Variants in EIF2S2 observed in about 807,000 individuals in gnomAD.
The protein encoded by EIF2S2 is eukaryotic translation initiation factor 2 subunit 2.
Under a neutral mutation model 44.0 loss-of-function variants are expected in EIF2S2, and 4 were observed. That is an observed-to-expected ratio of 0.09 (90% CI 0.04 to 0.21). The LOEUF is 0.21. Ranked by LOEUF, EIF2S2 falls within the 10% of genes least tolerant of loss-of-function variation. The pLI is 1.00. For synonymous variants in EIF2S2, 108 were observed against 128.3 expected (o/e 0.84, Z 1.07); for missense variants, 154 against 392.0 (o/e 0.39, Z 5.13).
rs1343361326 is a variant in EIF2S2 at position 34,089,168 on chromosome 20, C to G, written c.*562G>C. ...CCATCCCCACATACGGAAAAGAATTCAAATCTATGGAGTCATTCCCTGGAC... is the reference window on the plus strand; with the variant it reads ...CCATCCCCACATACGGAAAAGAATTGAAATCTATGGAGTCATTCCCTGGAC... On this transcript the variant is annotated 3_prime_UTR_variant, in exon 9 of 9. Transcript: ENST00000374980. 6.5e-6 allele frequency: 1 copy of G among 152,714 alleles called. No individual in the cohort carries two copies. The highest frequency in any genetic ancestry group is 2.4e-5 in the African/African-American group (1 of 41,402). The allele number at this position is 152,714 out of a possible 1,614,324, so 9.5% of individuals were successfully genotyped here.
intron 1 of EIF2S2, 63 bp downstream of exon 1, chr20:34,112,033 C>A: frequency 7.4e-7 from 1 of 1,359,098 alleles, no homozygotes; most frequent in Non-Finnish European, 9.6e-7. Context: ...CGTTCTCCCA[C>A]ACTGGAGTGG....
chr20:34,100,215 A>T (rs547026778), intron 3 of EIF2S2, among the ~76,000 whole-genome samples: 1 of 152,130 alleles, frequency 6.6e-6, no homozygotes. Context: ...GGGTTTTACC[A>T]TATTGGCCAG....
chr20:34,095,964 C>CTCTG (rs2034223683), intron 6 of EIF2S2, among the ~76,000 whole-genome samples: 1 of 152,180 alleles, frequency 6.6e-6, no homozygotes, highest in Non-Finnish European at 1.5e-5. Flanking sequence ...CCAGGGCTGA[C>CTCTG]TCTGGCATAG....
intron 8 of EIF2S2, 127 bp downstream of exon 8, chr20:34,090,390 C>A: frequency 1.8e-6 from 1 of 559,382 alleles, no homozygotes; most frequent in Non-Finnish European, 3.0e-6. Flanking sequence ...CTTTCACTAT[C>A]ATTTTGTCTC....
At chr20:34,101,068 T>C (rs368512696) in intron 3 of EIF2S2, among the ~76,000 whole-genome samples, 22 of 152,258 alleles carry the variant, frequency 1.4e-4, no homozygotes, top group Admixed American at 8.5e-4. Flanking sequence ...AGCAGAAAAG[T>C]TGGAATAGCT....
intron 2 of EIF2S2, 74 bp downstream of exon 2, chr20:34,105,294 A>G (rs749681199): frequency 2.0e-6 from 3 of 1,529,440 alleles, no homozygotes; most frequent in East Asian, 2.3e-5. Context: ...AGGTCGCTGC[A>G]TATCCAAAAG....
intron 4 of EIF2S2, among the ~76,000 whole-genome samples, chr20:34,097,724 A>G (rs926617581): frequency 6.6e-6 from 1 of 152,224 alleles, no homozygotes; most frequent in East Asian, 1.9e-4. Flanking sequence ...GGCCCTTAAT[A>G]GAGACCTCTC....
chr20:34,112,155 G>A lies in EIF2S2; in HGVS notation c.-45C>T, dbSNP rs972236691. The stretch of plus-strand genomic sequence containing the variant: ...TCGGCACGGACGGGAAGTCAGACGG[G>A]TCAGCCCCAGGCCCCGGCGGCAGCG... On this transcript the variant is annotated 5_prime_UTR_variant, in exon 1 of 9. Coordinates refer to ENST00000374980, the MANE Select transcript of EIF2S2 (RefSeq NM_003908.5). 3 of 1,523,352 alleles carry A rather than the reference G, an allele frequency of 2.0e-6. No homozygotes were observed. Among genetic ancestry groups the A allele is most frequent in the Non-Finnish European group, 2.7e-6 (3 of 1,130,014 alleles). The allele number at this position is 1,523,352 out of a possible 1,614,324, so 94.4% of individuals were successfully genotyped here. A position where few individuals can be genotyped will look rare whatever the true frequency, so the allele number is the denominator to read the frequency against.
intron 2 of EIF2S2, among the ~76,000 whole-genome samples, chr20:34,103,955 T>A (rs2122426730): frequency 6.6e-6 from 1 of 152,236 alleles, no homozygotes; most frequent in East Asian, 1.9e-4. Flanking sequence ...ATGATCCGCC[T>A]GCCTCAGCCT....
chr20:34,094,947 G>A (rs764773059), intron 6 of EIF2S2, among the ~76,000 whole-genome samples: 2 of 152,136 alleles, frequency 1.3e-5, no homozygotes, highest in East Asian at 1.9e-4. Context: ...GAACTGGCAC[G>A]ACCTTGCTAG....
chr20:34,099,746 G>T (rs568509352), intron 3 of EIF2S2, among the ~76,000 whole-genome samples: 1 of 152,180 alleles, frequency 6.6e-6, no homozygotes, highest in African/African-American at 2.4e-5. Context: ...TCAATAATTT[G>T]CCAAAACGAC....
In EIF2S2 at chr20:34,099,708, CG is replaced by C. The variant is rs770332374; in HGVS notation, c.298-1076del. Among the ~76,000 whole-genome samples, 6 of 152,258 alleles carry C rather than the reference CG, an allele frequency of 3.9e-5. No individual in the cohort carries two copies. The South Asian group carries it at 1.2e-3, about 32-fold the overall frequency. ...CTTCTGTCCAACATGGCTATAAACT[CG>C]GAAGTTCCCACATTCGCCATCAAGA... On this transcript the variant is annotated intron_variant, in intron 3 of 8. Coordinates refer to ENST00000374980, the MANE Select transcript of EIF2S2 (RefSeq NM_003908.5).
chr20:34,109,451 C>T (rs1290608226), intron 1 of EIF2S2, among the ~76,000 whole-genome samples: 1 of 151,826 alleles, frequency 6.6e-6, no homozygotes, highest in Non-Finnish European at 1.5e-5. Context: ...TGTTTGAGGC[C>T]AGGAGTTCAA....
chr20:34,099,490 G>A lies in EIF2S2; in HGVS notation c.298-857C>T, dbSNP rs147383235. On this transcript the variant is annotated intron_variant, in intron 3 of 8. Transcript: ENST00000374980. ...TGATTTTGATATAGTCATTGGGAAA[G>A]ATTTTTCCGGGTGACACCAAATATG... Among the ~76,000 whole-genome samples, 339 of 152,324 alleles carry A rather than the reference G, an allele frequency of 2.2e-3. 3 individuals carry two copies. In the East Asian group the frequency reaches 0.026, roughly 12 times the overall value.
Position 34,090,351 on chromosome 20 carries a change from C to A in EIF2S2, c.826+166G>T, listed in dbSNP as rs77234316. Among the ~76,000 whole-genome samples the A allele has an allele frequency of 4.4e-3, 669 of 152,320 alleles. 7 individuals carry two copies. The highest frequency in any genetic ancestry group is 0.016 in the African/African-American group (648 of 41,558). ...AAATCCAAATCCTTTTCTATCTATA[C>A]CCCTAGTTAGTAGGCAAGAGCCACC... is the stretch of plus-strand genomic sequence containing the variant. On this transcript the variant is annotated intron_variant, in intron 8 of 8. Coordinates refer to ENST00000374980, the MANE Select transcript of EIF2S2 (RefSeq NM_003908.5).
In EIF2S2 at chr20:34,112,188, T is replaced by C. The variant is rs1053688602; in HGVS notation, c.-78A>G. On this transcript the variant is annotated 5_prime_UTR_variant, in exon 1 of 9. Coordinates refer to ENST00000374980, the MANE Select transcript of EIF2S2 (RefSeq NM_003908.5). ...CAGGCCCCGGCGGCAGCGCTGCCCCTGCCGATACCTCTCCCACCACCGCAC... is the reference window on the plus strand; with the variant it reads ...CAGGCCCCGGCGGCAGCGCTGCCCCCGCCGATACCTCTCCCACCACCGCAC... 4.9e-6 allele frequency: 7 copies of C among 1,439,492 alleles called. No homozygotes were observed. Among genetic ancestry groups the C allele is most frequent in the Middle Eastern group, 5.0e-4 (2 of 4,016 alleles). 89.2% of individuals were successfully genotyped at this position (1,439,492 alleles called of 1,614,324 possible).
At chr20:34,110,360 T>C (rs1479141613) in intron 1 of EIF2S2, among the ~76,000 whole-genome samples, 2 of 152,182 alleles carry the variant, frequency 1.3e-5, no homozygotes, top group South Asian at 2.1e-4. Flanking sequence ...CTATTCTTCA[T>C]ACCCCTCTCT....
At chr20:34,101,590 CTAT>C (rs1402682344) in intron 3 of EIF2S2, among the ~76,000 whole-genome samples, 3 of 151,872 alleles carry the variant, frequency 2.0e-5, no homozygotes, top group Non-Finnish European at 4.4e-5. Context: ...TAGTGCTATA[CTAT>C]TATTATTTTA....
chr20:34,099,407 C>A (rs1201919368), intron 3 of EIF2S2, among the ~76,000 whole-genome samples: 1 of 151,630 alleles, frequency 6.6e-6, no homozygotes, highest in Non-Finnish European at 1.5e-5. Flanking sequence ...AAGTTTAAAT[C>A]GGATTGATGA....
Sources: gnomAD v4.1 joint callset for allele counts (sites outside exome capture counted in the v4.1 genomes callset) on GRCh38, gnomAD v4.1.1 for gene constraint, MANE v1.5 for transcripts, NCBI Gene and HGNC (gene_info 2026-07-23, HGNC 2026-07-21) for gene names.